Variants in KITLG observed in about 807,000 individuals in gnomAD.
KITLG encodes KIT ligand, also known as c-Kit ligand.
Under a neutral mutation model 34.1 loss-of-function variants are expected in KITLG, and 13 were observed. That is an observed-to-expected ratio of 0.38 (90% CI 0.25 to 0.61). The LOEUF is 0.61. Among genes scored for constraint, KITLG ranks in the 20% least tolerant of loss-of-function variants. The probability of loss-of-function intolerance (pLI) is 0.60; values close to 1 mark genes in which losing one functional copy is unlikely to be tolerated. For synonymous variants in KITLG, 110 were observed against 104.0 expected (o/e 1.06, Z -0.35); for missense variants, 292 against 318.9 (o/e 0.92, Z 0.64).
chr12:88,550,753 T>C (rs774924313), intron 1 of KITLG, among the ~76,000 whole-genome samples: 2 of 152,196 alleles, frequency 1.3e-5, no homozygotes, highest in Non-Finnish European at 2.9e-5. Flanking sequence ...TTGTGAGAAC[T>C]GTGATGCGAT....
intron 2 of KITLG, among the ~76,000 whole-genome samples, chr12:88,539,565 G>T (rs1870447926): frequency 6.6e-6 from 1 of 151,686 alleles, no homozygotes. Context: ...AACCAACCAG[G>T]TGTATTACCT....
intron 2 of KITLG, among the ~76,000 whole-genome samples, chr12:88,534,421 T>G (rs1870225855): frequency 6.6e-6 from 1 of 152,112 alleles, no homozygotes; most frequent in African/African-American, 2.4e-5. Context: ...TCACCCAGGC[T>G]GGAGTGCAGT....
At chr12:88,536,065 C>T (rs1870305822) in intron 2 of KITLG, among the ~76,000 whole-genome samples, 1 of 152,082 alleles carries the variant, frequency 6.6e-6, no homozygotes, top group African/African-American at 2.4e-5. Flanking sequence ...GCTAATTAAA[C>T]TAAAGAGCTA....
chr12:88,497,826 A>G (rs1207511810), intron 9 of KITLG, among the ~76,000 whole-genome samples: 1 of 152,186 alleles, frequency 6.6e-6, no homozygotes, highest in African/African-American at 2.4e-5. Flanking sequence ...TATCTTGACT[A>G]TCTAGTTAGG....
intron 2 of KITLG, among the ~76,000 whole-genome samples, chr12:88,532,710 G>T (rs1157086691): frequency 6.6e-6 from 1 of 152,032 alleles, no homozygotes; most frequent in Non-Finnish European, 1.5e-5. Context: ...TGATAATACA[G>T]ATCTTTTAGA....
intron 9 of KITLG, among the ~76,000 whole-genome samples, chr12:88,498,986 A>T (rs1397371235): frequency 6.6e-6 from 1 of 152,174 alleles, no homozygotes; most frequent in African/African-American, 2.4e-5. Flanking sequence ...ATAAACGTAA[A>T]GACTGGCACC....
chr12:88,515,666 G>T, intron 5 of KITLG, 49 bp from the exon 6 acceptor site: 1 of 1,367,226 alleles, frequency 7.3e-7, no homozygotes, highest in Non-Finnish European at 1.0e-6. Flanking sequence ...ATTTGTATGA[G>T]TTATAGAGTC....
At chr12:88,499,876 G>T (rs1356366097) in intron 9 of KITLG, among the ~76,000 whole-genome samples, 1 of 152,058 alleles carries the variant, frequency 6.6e-6, no homozygotes, top group Non-Finnish European at 1.5e-5. Flanking sequence ...TTAAAGACTG[G>T]CCTGGTAAGT....
chr12:88,568,988 C>T (rs1871549240), intron 1 of KITLG, among the ~76,000 whole-genome samples: 1 of 152,126 alleles, frequency 6.6e-6, no homozygotes, highest in Non-Finnish European at 1.5e-5. Flanking sequence ...GAGGTAAAAT[C>T]TATATGCTTT....
chr12:88,515,463 A>G (rs796551952), intron 6 of KITLG, 71 bp downstream of exon 6: 3 of 918,986 alleles, frequency 3.3e-6, no homozygotes, highest in Non-Finnish European at 5.4e-6. Context: ...AGTTTCCTTG[A>G]AAGCCCATGC....
chr12:88,525,587 C>T (rs1400213545), intron 3 of KITLG, among the ~76,000 whole-genome samples: 1 of 152,108 alleles, frequency 6.6e-6, no homozygotes, highest in Non-Finnish European at 1.5e-5. Flanking sequence ...TATATGCACA[C>T]CACAACTCAT....
chr12:88,506,705 G>T (rs1869076231), intron 7 of KITLG, among the ~76,000 whole-genome samples: 1 of 152,144 alleles, frequency 6.6e-6, no homozygotes, highest in Non-Finnish European at 1.5e-5. Context: ...GAACAAAAGA[G>T]TAGAAATCCA....
intron 1 of KITLG, among the ~76,000 whole-genome samples, chr12:88,569,890 T>G (rs186668438): frequency 6.6e-6 from 1 of 152,322 alleles, no homozygotes; most frequent in East Asian, 1.9e-4. Context: ...GAAAATATTT[T>G]TTTTAATATT....
In KITLG at chr12:88,494,400, A is replaced by T. The variant is rs554562261; in HGVS notation, c.*2819T>A. On this transcript the variant is annotated 3_prime_UTR_variant, in exon 10 of 10. Coordinates refer to ENST00000644744, the MANE Select transcript of KITLG (RefSeq NM_000899.5). ...AAAACGTGCCCCAAAGTTTCTCCAA[A>T]GTACTTTAAAGCTCAATGAAATGTA... is the stretch of plus-strand genomic sequence containing the variant. The T allele has an allele frequency of 6.6e-6, 1 of 152,412 alleles. No homozygotes were observed. The highest frequency in any genetic ancestry group is 1.5e-5 in the Non-Finnish European group (1 of 67,856). The allele number at this position is 152,412 out of a possible 1,614,324, so 9.4% of individuals were successfully genotyped here.
At chr12:88,517,728 T>C (rs1166088915) in intron 4 of KITLG, among the ~76,000 whole-genome samples, 3 of 152,030 alleles carry the variant, frequency 2.0e-5, no homozygotes, top group Admixed American at 6.6e-5. Flanking sequence ...AATTAGAAAA[T>C]AATACAAAGA....
At chr12:88,499,189 C>T (rs1868758881) in intron 9 of KITLG, among the ~76,000 whole-genome samples, 1 of 152,016 alleles carries the variant, frequency 6.6e-6, no homozygotes, top group African/African-American at 2.4e-5. Context: ...GGCTTGAATC[C>T]AAGCCTAATC....
At chr12:88,553,078 A>G (rs920870775) in intron 1 of KITLG, among the ~76,000 whole-genome samples, 1 of 152,208 alleles carries the variant, frequency 6.6e-6, no homozygotes, top group African/African-American at 2.4e-5. Context: ...AAGACTTTAT[A>G]GAGTAGATCT....
At chr12:88,532,921 T>G (rs1377248497) in intron 2 of KITLG, among the ~76,000 whole-genome samples, 1 of 152,098 alleles carries the variant, frequency 6.6e-6, no homozygotes, top group Non-Finnish European at 1.5e-5. Context: ...GTGCCAGCAA[T>G]AGGGAATCTG....
At position 88,499,937 on chromosome 12, in the gene KITLG, C is replaced by A. The variant is rs545051581; in HGVS notation, c.*38-2756G>T. On this transcript the variant is annotated intron_variant, in intron 9 of 9. Transcript: ENST00000644744. ...TCCCGTACATCTTGCCATACCAACA[C>A]CCGATTAGTTTTCTCACACCTCAGC... Among the ~76,000 whole-genome samples, 4 of 152,262 alleles carry A rather than the reference C, an allele frequency of 2.6e-5. No homozygotes were observed. The East Asian group carries it at 7.7e-4, about 29-fold the overall frequency.
Sources: gnomAD v4.1 joint callset for allele counts (sites outside exome capture counted in the v4.1 genomes callset) on GRCh38, gnomAD v4.1.1 for gene constraint, MANE v1.5 for transcripts, NCBI Gene and HGNC (gene_info 2026-07-23, HGNC 2026-07-21) for gene names.